The following LILRA1 variants were observed in gnomAD, a reference collection of about 807,000 sequenced individuals.
LILRA1 encodes leukocyte immunoglobulin-like receptor subfamily A member 1.
In LILRA1, 51 loss-of-function variants were observed where a neutral mutation model predicts 51.6. That is an observed-to-expected ratio of 0.99 (90% CI 0.79 to 1.25). The LOEUF (loss-of-function observed/expected upper bound fraction) is 1.25, where lower values mean the gene tolerates loss of function less well. Among genes scored for constraint, LILRA1 ranks in the 50% most tolerant of loss-of-function variants. LILRA1 has a pLI of 0.00. For synonymous variants in LILRA1, 305 were observed against 248.4 expected, an observed-to-expected ratio of 1.23 and a Z score of -2.14; for missense variants, 660 against 611.7, an observed-to-expected ratio of 1.08 and a Z score of -0.83.
In LILRA1 at chr19:54,595,198, A is replaced by G. The variant is rs10417589; in HGVS notation, c.457A>G (p.Ser153Gly). Reference sequence around the variant, plus strand: ...TTGTGTCTCACAGGTGGCATTTGGCAGCTTCATTCTGTGTAAGGAAGGAGA... The same window carrying G: ...TTGTGTCTCACAGGTGGCATTTGGCGGCTTCATTCTGTGTAAGGAAGGAGA... The part of the protein sequence containing the change: ...LHCVSQVAFG[S>G]FILCKEGEDE... The change falls in exon 5 of 10, where the codon AGC becomes GGC. Residue 153 changes from serine (S) to glycine (G), a missense_variant. By Grantham distance (56) the Ser-to-Gly change is moderately conservative. Coordinates refer to ENST00000251372, the MANE Select transcript of LILRA1 (RefSeq NM_006863.4). 0.11 allele frequency: 172,230 copies of G among 1,613,608 alleles called. 12,796 individuals carry two copies. Among genetic ancestry groups the G allele is most frequent in the African/African-American group, 0.38 (28,513 of 74,908 alleles).
chr19:54,597,956 C>T (rs1420469891), intron 7 of LILRA1, among the ~76,000 whole-genome samples: 4 of 151,318 alleles, frequency 2.6e-5, no homozygotes, highest in Non-Finnish European at 5.9e-5. Context: ...GCCGTGTGAG[C>T]GGCACCCACA....
chr19:54,600,721 A>G lies in LILRA1; in HGVS notation c.1374A>G (p.Thr458=), dbSNP rs2063148468. The G allele has an allele frequency of 6.2e-7, 1 of 1,613,940 alleles. No individual in the cohort carries two copies. Among genetic ancestry groups the G allele is most frequent in the Non-Finnish European group, 8.5e-7 (1 of 1,179,960 alleles). Residue 458 remains threonine, a synonymous_variant, in exon 10 of 10, where the codon ACA becomes ACG. Transcript: ENST00000251372. ...NKTASHPQDY[T]VENLIRMGIA... ...CAGCCTCACACCCCCAGGATTACAC[A>G]GTGGAGAATCTCATCCGCATGGGCA...
Position 54,599,249 on chromosome 19 carries a change from C to T in LILRA1, c.1275C>T (p.Thr425=). Reference sequence around the variant, plus strand: ...TTTGATTCTCAGGAGCAGCTGAGACCCTCAGCCCACCACAAAACAAGTCCG... The same window carrying T: ...TTTGATTCTCAGGAGCAGCTGAGACTCTCAGCCCACCACAAAACAAGTCCG... ...LELMVSGAAE[T]LSPPQNKSDS... Residue 425 remains threonine, a synonymous_variant, in exon 8 of 10, where the codon ACC becomes ACT. Coordinates refer to ENST00000251372, the MANE Select transcript of LILRA1 (RefSeq NM_006863.4). 1 of 1,573,910 alleles carries T rather than the reference C, an allele frequency of 6.4e-7. No individual in the cohort carries two copies. Among genetic ancestry groups the T allele is most frequent in the South Asian group, 1.1e-5 (1 of 90,678 alleles).
In LILRA1 at chr19:54,601,092, G is replaced by A. The variant is rs979449874; in HGVS notation, c.*275G>A. 8.9e-5 allele frequency: 47 copies of A among 529,412 alleles called. No homozygotes were observed. Among genetic ancestry groups the A allele is most frequent in the Non-Finnish European group, 1.4e-4 (42 of 294,452 alleles). 32.8% of individuals were successfully genotyped at this position (529,412 alleles called of 1,614,324 possible). A position where few individuals can be genotyped will look rare whatever the true frequency, so the allele number is the denominator to read the frequency against. ...GGATCCTCTTCTTTCCCCACCCCCA[G>A]ACAGACATGAGGCTACATCCCACAT... On this transcript the variant is annotated 3_prime_UTR_variant, in exon 10 of 10. Transcript: ENST00000251372.
chr19:54,593,986 C>G (rs2062963005), intron 1 of LILRA1, among the ~76,000 whole-genome samples: 1 of 152,088 alleles, frequency 6.6e-6, no homozygotes, highest in Admixed American at 6.5e-5. Flanking sequence ...TCAGGAAAGA[C>G]CCCATTACAG....
chr19:54,597,917 C>A (rs570159581), intron 7 of LILRA1, among the ~76,000 whole-genome samples: 3 of 151,592 alleles, frequency 2.0e-5, no homozygotes, highest in East Asian at 4.0e-4. Context: ...GTGCCCTGAG[C>A]CCAAGCCCAC....
chr19:54,600,515 C>T lies in LILRA1; in HGVS notation c.1316C>T (p.Ala439Val). Residue 439 changes from alanine to valine, a missense_variant, in exon 9 of 10, where the codon GCA becomes GTA. By Grantham distance (64) the Ala-to-Val change is moderately conservative. Coordinates refer to ENST00000251372, the MANE Select transcript of LILRA1 (RefSeq NM_006863.4). ...PQNKSDSKAG[A>V]ANTLSPSQNK... The stretch of plus-strand genomic sequence containing the variant: ...TCCCCTCTGTTTTTATTCTCAGGAG[C>T]AGCTAACACCCTCAGCCCATCACAA... 6.2e-7 allele frequency: 1 copy of T among 1,614,068 alleles called. No homozygotes were observed. The highest frequency in any genetic ancestry group is 8.5e-7 in the Non-Finnish European group (1 of 1,180,000).
At chr19:54,596,949 C>T (rs1441282493) in intron 7 of LILRA1, among the ~76,000 whole-genome samples, 3 of 144,114 alleles carry the variant, frequency 2.1e-5, no homozygotes, top group Non-Finnish European at 3.1e-5. Flanking sequence ...TGGAAATAGA[C>T]GGGGCCTCCC....
At position 54,598,536 on chromosome 19, in the gene LILRA1, C is replaced by A. The variant is rs145517786; in HGVS notation, c.1262-700C>A. Among the ~76,000 whole-genome samples, 150 of 152,210 alleles carry A rather than the reference C, an allele frequency of 9.9e-4. 1 individual carries two copies. In the East Asian group the frequency reaches 0.017, roughly 18 times the overall value. Reference sequence around the variant, plus strand: ...CTGGGCCTGGGGGGTTCATGCCCAACCTTGTCCAATCACTGGATAATTCTA... The same window carrying A: ...CTGGGCCTGGGGGGTTCATGCCCAAACTTGTCCAATCACTGGATAATTCTA... On this transcript the variant is annotated intron_variant, in intron 7 of 9. Coordinates refer to ENST00000251372, the MANE Select transcript of LILRA1 (RefSeq NM_006863.4).
chr19:54,599,529 A>G (rs1237051610), intron 8 of LILRA1: 1 of 1,189,514 alleles, frequency 8.4e-7, no homozygotes, highest in Non-Finnish European at 1.1e-6. Flanking sequence ...ATGCTAACTC[A>G]CTACTAAATT....
rs1381730793 is a variant in LILRA1 at position 54,595,740 on chromosome 19, T to C, written c.763T>C (p.Phe255Leu). ...QCVSDVSYDR[F>L]VLYKEGERDF... ...TGTTTCTGATGTCAGCTACGACAGA[T>C]TTGTTCTGTATAAGGAGGGAGAACG... Residue 255 changes from phenylalanine (F) to leucine (L), a missense_variant, in exon 6 of 10, where the codon TTT (phenylalanine) becomes CTT (leucine). Phe to Leu is a conservative substitution (Grantham distance 22). Transcript: ENST00000251372. The C allele has an allele frequency of 1.2e-6, 2 of 1,613,872 alleles. No individual in the cohort carries two copies. The highest frequency in any genetic ancestry group is 1.7e-6 in the Non-Finnish European group (2 of 1,179,958).
intron 1 of LILRA1, among the ~76,000 whole-genome samples, 176 bp downstream of exon 1, chr19:54,593,957 G>T (rs2062962259): frequency 6.6e-6 from 1 of 152,204 alleles, no homozygotes; most frequent in Non-Finnish European, 1.5e-5. Flanking sequence ...GGAGAAACCA[G>T]ACAGACAGTG....
intron 7 of LILRA1, among the ~76,000 whole-genome samples, chr19:54,598,766 A>G (rs2063109800): frequency 6.6e-6 from 1 of 152,152 alleles, no homozygotes; most frequent in Non-Finnish European, 1.5e-5. Flanking sequence ...AAAGGTGTTG[A>G]ATAATTCTTT....
At chr19:54,596,912 C>T (rs554273738) in intron 7 of LILRA1, among the ~76,000 whole-genome samples, 50 of 151,358 alleles carry the variant, frequency 3.3e-4, no homozygotes, top group Middle Eastern at 3.4e-3. Context: ...GGAAGGTCTG[C>T]GGGGGAGGGT....
intron 3 of LILRA1, 65 bp downstream of exon 3, chr19:54,594,541 C>A: frequency 6.8e-6 from 11 of 1,613,768 alleles, no homozygotes; most frequent in South Asian, 1.1e-5. Context: ...CACCCCCGTG[C>A]AGCTGGGGAT....
chr19:54,595,825 C>G lies in LILRA1; in HGVS notation c.848C>G (p.Thr283Ser). 6.2e-7 allele frequency: 1 copy of G among 1,614,150 alleles called. No individual in the cohort carries two copies. Among genetic ancestry groups the G allele is most frequent in the Non-Finnish European group, 8.5e-7 (1 of 1,179,964 alleles). The change falls in exon 6 of 10, where the codon ACC (threonine) becomes AGC (serine). Residue 283 changes from threonine (T) to serine (S), a missense_variant. Thr to Ser is a moderately conservative substitution (Grantham distance 58). Transcript: ENST00000251372. ...PQAGLSQANF[T>S]LGPVSRSYGG... ...GCTGGGCTCTCCCAGGCCAACTTCA[C>G]CCTGGGCCCTGTGAGCCGCTCCTAC... is the stretch of plus-strand genomic sequence containing the variant.
At chr19:54,596,120 T>C in intron 6 of LILRA1, 69 bp from the exon 7 acceptor site, 3 of 1,543,862 alleles carry the variant, frequency 1.9e-6, no homozygotes, top group Non-Finnish European at 2.6e-6. Context: ...GGGTCCCAGA[T>C]AGAAGCCTGG....
Position 54,594,881 on chromosome 19 carries a change from A to C in LILRA1, c.287A>C (p.Tyr96Ser). 1.2e-6 allele frequency: 2 copies of C among 1,614,154 alleles called. No homozygotes were observed. Among genetic ancestry groups the C allele is most frequent in the Non-Finnish European group, 1.7e-6 (2 of 1,180,002 alleles). ...ATCACCTGGGAACACACAGGGCGGT[A>C]TCGCTGTTTCTACGGTAGCCACACT... ...PSITWEHTGR[Y>S]RCFYGSHTAG... The change falls in exon 4 of 10, where the codon TAT becomes TCT. Residue 96 changes from tyrosine (Y) to serine (S), a missense_variant. Coordinates refer to ENST00000251372, the MANE Select transcript of LILRA1 (RefSeq NM_006863.4).
rs778560982 is a variant in LILRA1, at chr19:54,594,243, C to T, written c.-2C>T. Reference sequence around the variant, plus strand: ...CAGAGCAGGGCAGTGGGAGGAGACGCTATGACCCCCATCGTCACAGTCCTG... The same window carrying T: ...CAGAGCAGGGCAGTGGGAGGAGACGTTATGACCCCCATCGTCACAGTCCTG... On this transcript the variant is annotated 5_prime_UTR_variant, in exon 2 of 10. Transcript: ENST00000251372. 4.3e-6 allele frequency: 7 copies of T among 1,612,954 alleles called. 1 individual carries two copies. The highest frequency in any genetic ancestry group is 1.7e-4 in the Middle Eastern group (1 of 6,054).
Sources: allele counts gnomAD v4.1 joint callset (sites outside exome capture counted in the v4.1 genomes callset), GRCh38; gene constraint gnomAD v4.1.1; transcripts MANE v1.5; gene names NCBI Gene and HGNC (gene_info 2026-07-23, HGNC 2026-07-21).